Variants in ZSWIM5 observed in about 807,000 individuals in gnomAD.
ZSWIM5 encodes the protein zinc finger SWIM-type containing 5, also known as zinc finger SWIM domain-containing protein 5.
In ZSWIM5, 55 loss-of-function variants were observed where a neutral mutation model predicts 119.6. The observed-to-expected ratio is 0.46, with a 90% CI of 0.37 to 0.58. The LOEUF (loss-of-function observed/expected upper bound fraction) is 0.58, where lower values mean the gene tolerates loss of function less well. Among genes scored for constraint, ZSWIM5 ranks in the 20% least tolerant of loss-of-function variants. The pLI is 0.00. For synonymous variants in ZSWIM5, 537 were observed against 606.9 expected, an observed-to-expected ratio of 0.88 and a Z score of 1.69; for missense variants, 1,193 against 1,512.8, an observed-to-expected ratio of 0.79 and a Z score of 3.51.
At chr1:45,060,851 A>T (rs1570042111) in intron 2 of ZSWIM5, among the ~76,000 whole-genome samples, 1 of 151,924 alleles carries the variant, frequency 6.6e-6, no homozygotes, top group African/African-American at 2.4e-5. Context: ...TTTTAAAACA[A>T]TTTTTTGTAG....
chr1:45,123,823 T>C (rs1226177493), intron 1 of ZSWIM5, among the ~76,000 whole-genome samples: 1 of 152,124 alleles, frequency 6.6e-6, no homozygotes, highest in Non-Finnish European at 1.5e-5. Flanking sequence ...GTTAAACTTC[T>C]GAAAACTAAA....
chr1:45,125,147 A>G (rs1645613028), intron 1 of ZSWIM5, among the ~76,000 whole-genome samples: 2 of 152,394 alleles, frequency 1.3e-5, no homozygotes, highest in South Asian at 4.1e-4. Context: ...TGTTTTTCAC[A>G]TACTTGTGAA....
intron 1 of ZSWIM5, among the ~76,000 whole-genome samples, chr1:45,141,501 G>A (rs2149034392): frequency 6.6e-6 from 1 of 152,268 alleles, no homozygotes; most frequent in South Asian, 2.1e-4. Context: ...AAACAGAAGT[G>A]ACATTCATTG....
chr1:45,038,621 T>TTTTTTTTTTTTTTA (rs1553188510), intron 8 of ZSWIM5, among the ~76,000 whole-genome samples: 8 of 141,222 alleles, frequency 5.7e-5, no homozygotes, highest in Non-Finnish European at 1.2e-4. Context: ...TTTTTTTTTT[T>TTTTTTTTTTTTTTA]AATGAAACAG....
intron 1 of ZSWIM5, among the ~76,000 whole-genome samples, chr1:45,139,958 T>C (rs1008512907): frequency 4.6e-5 from 7 of 152,182 alleles, no homozygotes; most frequent in Non-Finnish European, 7.3e-5. Context: ...TAAATTCAAA[T>C]GACTTCATTT....
At chr1:45,197,788 A>G (rs1416333811) in intron 1 of ZSWIM5, among the ~76,000 whole-genome samples, 1 of 152,232 alleles carries the variant, frequency 6.6e-6, no homozygotes, top group Non-Finnish European at 1.5e-5. Flanking sequence ...ACTAAAAAGG[A>G]TAAGACATTA....
At chr1:45,031,156 G>C (rs1409286501) in intron 11 of ZSWIM5, among the ~76,000 whole-genome samples, 1 of 125,226 alleles carries the variant, frequency 8.0e-6, no homozygotes, top group Non-Finnish European at 1.7e-5. Flanking sequence ...CTATTTCATT[G>C]ATTTTTGCTC....
intron 1 of ZSWIM5, among the ~76,000 whole-genome samples, chr1:45,159,596 A>AT (rs34590999): frequency 6.8e-4 from 101 of 149,602 alleles, no homozygotes; most frequent in African/African-American, 2.2e-3. Context: ...TTATGATTCA[A>AT]TTTTTTTTTT....
intron 5 of ZSWIM5, among the ~76,000 whole-genome samples, chr1:45,050,157 C>G (rs1645081064): frequency 6.6e-6 from 1 of 152,058 alleles, no homozygotes; most frequent in Non-Finnish European, 1.5e-5. Context: ...GAGTTCAAGA[C>G]CAGGCTGGCC....
chr1:45,194,673 C>T (rs1385573422), intron 1 of ZSWIM5, among the ~76,000 whole-genome samples: 1 of 151,894 alleles, frequency 6.6e-6, no homozygotes, highest in Admixed American at 6.6e-5. Flanking sequence ...GTCAGGAGAT[C>T]GAGACCATCC....
At chr1:45,094,700 A>G (rs1008400097) in intron 1 of ZSWIM5, among the ~76,000 whole-genome samples, 5 of 152,090 alleles carry the variant, frequency 3.3e-5, no homozygotes, top group African/African-American at 1.2e-4. Flanking sequence ...TGCCTCCATG[A>G]AAAGTACAAA....
intron 1 of ZSWIM5, among the ~76,000 whole-genome samples, chr1:45,142,370 G>T (rs976157739): frequency 6.6e-6 from 1 of 152,030 alleles, no homozygotes; most frequent in Non-Finnish European, 1.5e-5. Context: ...TTGTTATTTT[G>T]AGTTAAGGTC....
chr1:45,031,169 A>ATTTTTT (rs34390567), intron 11 of ZSWIM5, among the ~76,000 whole-genome samples: 15 of 61,742 alleles, frequency 2.4e-4, no homozygotes, highest in Admixed American at 7.6e-4. Flanking sequence ...TTTTGCTCTG[A>ATTTTTT]TTTTTTTTTT....
At chr1:45,123,564 A>G (rs1184221565) in intron 1 of ZSWIM5, among the ~76,000 whole-genome samples, 1 of 152,202 alleles carries the variant, frequency 6.6e-6, no homozygotes, top group Non-Finnish European at 1.5e-5. Context: ...TGAAAAACAG[A>G]GAATAGACTA....
chr1:45,076,236 T>G (rs767196322), intron 2 of ZSWIM5, among the ~76,000 whole-genome samples: 2 of 152,212 alleles, frequency 1.3e-5, no homozygotes, highest in Non-Finnish European at 2.9e-5. Context: ...TGATTTCTTA[T>G]TGTTCATTAA....
intron 4 of ZSWIM5, among the ~76,000 whole-genome samples, chr1:45,052,933 C>T (rs1194228117): frequency 6.6e-6 from 1 of 151,730 alleles, no homozygotes; most frequent in African/African-American, 2.4e-5. Flanking sequence ...ACCAGCCTGA[C>T]TGCCATGGAG....
intron 1 of ZSWIM5, among the ~76,000 whole-genome samples, chr1:45,157,054 C>T (rs1368277137): frequency 6.6e-6 from 1 of 152,122 alleles, no homozygotes; most frequent in Non-Finnish European, 1.5e-5. Context: ...TCAATCCCCT[C>T]TATAGGCAAC....
At chr1:45,183,798 A>T (rs1201164761) in intron 1 of ZSWIM5, among the ~76,000 whole-genome samples, 3 of 152,258 alleles carry the variant, frequency 2.0e-5, no homozygotes, top group Non-Finnish European at 4.4e-5. Flanking sequence ...AGATGGATTC[A>T]CAGCTGAATT....
intron 1 of ZSWIM5, among the ~76,000 whole-genome samples, chr1:45,118,367 A>G (rs1479760160): frequency 6.6e-6 from 1 of 152,236 alleles, no homozygotes; most frequent in East Asian, 1.9e-4. Context: ...GAGAGCCACA[A>G]AAGTGAGGAA....
Sources: gnomAD v4.1 joint callset for allele counts (sites outside exome capture counted in the v4.1 genomes callset) on GRCh38, gnomAD v4.1.1 for gene constraint, MANE v1.5 for transcripts, NCBI Gene and HGNC (gene_info 2026-07-23, HGNC 2026-07-21) for gene names.